The following NALF1 variants were observed in gnomAD, a reference collection of about 807,000 sequenced individuals.
NALF1 encodes the protein NALCN channel auxiliary factor 1.
A neutral mutation model predicts 48.4 loss-of-function variants in NALF1; 3 were observed. The observed-to-expected ratio is 0.06, with a 90% CI of 0.03 to 0.16. The LOEUF (loss-of-function observed/expected upper bound fraction) is 0.16, where lower values mean the gene tolerates loss of function less well. NALF1 is among the 10% of genes least tolerant of loss of function. The pLI, the probability that NALF1 is intolerant of heterozygous loss-of-function variation, is 1.00. For missense variants in NALF1, 526 were observed against 571.5 expected, an observed-to-expected ratio of 0.92 and a Z score of 0.81; for synonymous variants, 262 against 245.7, an observed-to-expected ratio of 1.07 and a Z score of -0.62.
chr13:107,558,413 T>C (rs905393762), intron 1 of NALF1, among the ~76,000 whole-genome samples: 10 of 152,216 alleles, frequency 6.6e-5, no homozygotes, highest in Non-Finnish European at 2.9e-5. Flanking sequence ...ATGTATAGTA[T>C]AGTATTCCAA....
chr13:107,797,796 A>AT (rs1878478584), intron 1 of NALF1, among the ~76,000 whole-genome samples: 4 of 152,032 alleles, frequency 2.6e-5, no homozygotes, highest in South Asian at 2.1e-4. Flanking sequence ...AAAAAAAAAA[A>AT]TTTTATCAAT....
At chr13:107,566,518 G>A (rs190981815) in intron 1 of NALF1, among the ~76,000 whole-genome samples, 209 of 152,258 alleles carry the variant, frequency 1.4e-3, no homozygotes, top group South Asian at 2.1e-3. Context: ...AGCAGCCAAC[G>A]TGATCCAACA....
chr13:107,504,324 G>A (rs1055954446), intron 1 of NALF1, among the ~76,000 whole-genome samples: 1 of 151,734 alleles, frequency 6.6e-6, no homozygotes, highest in Admixed American at 6.6e-5. Context: ...GAAAGATGTA[G>A]GTCCAAGGAT....
chr13:107,369,115 C>T (rs1030505492), intron 1 of NALF1, among the ~76,000 whole-genome samples: 2 of 152,170 alleles, frequency 1.3e-5, no homozygotes, highest in Non-Finnish European at 2.9e-5. Context: ...CACTTTTCTT[C>T]GGAATTTCCA....
At chr13:107,493,416 G>C (rs1875213859) in intron 1 of NALF1, among the ~76,000 whole-genome samples, 2 of 152,144 alleles carry the variant, frequency 1.3e-5, no homozygotes, top group Admixed American at 6.6e-5. Flanking sequence ...TGGAGTCTTA[G>C]TGGATGAAAG....
chr13:107,525,494 C>T (rs986879789), intron 1 of NALF1, among the ~76,000 whole-genome samples: 1 of 152,160 alleles, frequency 6.6e-6, no homozygotes, highest in East Asian at 1.9e-4. Flanking sequence ...TATAGTTGTA[C>T]CACAGTTTGT....
rs183712565 is a variant in NALF1, at chr13:107,438,381, A to T, written c.916-227626T>A. 3.7e-4 allele frequency among the ~76,000 whole-genome samples: 56 copies of T among 152,350 alleles called. No homozygotes were observed. In the East Asian group the frequency reaches 8.3e-3, roughly 23 times the overall value. ...GCTGGTTTTGTAAAGTGACAAAGGG[A>T]TTAGAAACATTATTGAAAAATAACT... On this transcript the variant is annotated intron_variant, in intron 1 of 2. Coordinates refer to ENST00000375915, the MANE Select transcript of NALF1 (RefSeq NM_001080396.3).
intron 1 of NALF1, among the ~76,000 whole-genome samples, chr13:107,236,835 A>G (rs1487405050): frequency 1.3e-5 from 2 of 152,184 alleles, no homozygotes; most frequent in Non-Finnish European, 2.9e-5. Context: ...TTTTGTCTGT[A>G]CTGAACATGT....
At chr13:107,864,034 T>C (rs1880646141) in intron 1 of NALF1, among the ~76,000 whole-genome samples, 1 of 152,182 alleles carries the variant, frequency 6.6e-6, no homozygotes. Context: ...TTATTACTAG[T>C]AGAATTAGAA....
At chr13:107,745,369 C>T (rs1016760098) in intron 1 of NALF1, among the ~76,000 whole-genome samples, 1 of 152,042 alleles carries the variant, frequency 6.6e-6, no homozygotes, top group African/African-American at 2.4e-5. Context: ...ATAGACACCC[C>T]CTAGCTGAGT....
At chr13:107,863,919 T>C (rs1880643623) in intron 1 of NALF1, among the ~76,000 whole-genome samples, 1 of 152,158 alleles carries the variant, frequency 6.6e-6, no homozygotes, top group South Asian at 2.1e-4. Context: ...GTTATACAAA[T>C]GGAAATTATC....
chr13:107,865,903 A>C lies in NALF1; in HGVS notation c.694T>G (p.Trp232Gly), dbSNP rs753098474. 44 of 1,613,928 alleles carry C rather than the reference A, an allele frequency of 2.7e-5. No homozygotes were observed. Among genetic ancestry groups the C allele is most frequent in the African/African-American group, 5.3e-5 (4 of 74,902 alleles). The stretch of plus-strand genomic sequence containing the variant: ...CTGGACAACCCCGAGAACAACTCCC[A>C]AAGTGTGTAGGAATTACAAAACGAA... ...YLSFCNSYTLWELFSGLSSPN... is the reference protein window; with the variant it reads ...YLSFCNSYTLGELFSGLSSPN... The change falls in exon 1 of 3, where the codon TGG becomes GGG. Residue 232 changes from tryptophan to glycine, a missense_variant. Transcript: ENST00000375915.
At chr13:107,682,366 C>T (rs991600369) in intron 1 of NALF1, among the ~76,000 whole-genome samples, 1 of 152,190 alleles carries the variant, frequency 6.6e-6, no homozygotes, top group African/African-American at 2.4e-5. Flanking sequence ...GCCCACCCTC[C>T]TTGCACTCAT....
At chr13:107,659,106 G>GACACAC (rs1408509437) in intron 1 of NALF1, among the ~76,000 whole-genome samples, 10 of 98,494 alleles carry the variant, frequency 1.0e-4, no homozygotes, top group East Asian at 5.9e-4. Context: ...CTGACACACT[G>GACACAC]ACACACAGAC....
At chr13:107,617,049 T>C (rs1879399367) in intron 1 of NALF1, among the ~76,000 whole-genome samples, 1 of 152,218 alleles carries the variant, frequency 6.6e-6, no homozygotes, top group South Asian at 2.1e-4. Flanking sequence ...GTACTATAAA[T>C]AGATGCACAT....
At chr13:107,851,230 A>C (rs1049902714) in intron 1 of NALF1, among the ~76,000 whole-genome samples, 4 of 152,212 alleles carry the variant, frequency 2.6e-5, no homozygotes, top group Admixed American at 6.5e-5. Flanking sequence ...TCCAATTCAT[A>C]AACTAGGCAG....
intron 1 of NALF1, among the ~76,000 whole-genome samples, chr13:107,258,958 C>T (rs74114028): frequency 0.099 from 15,069 of 152,116 alleles, 923 homozygotes; most frequent in African/African-American, 0.16. Flanking sequence ...TGAGCCACTG[C>T]GCCCTGCCCA....
At chr13:107,437,705 C>T (rs1884485650) in intron 1 of NALF1, among the ~76,000 whole-genome samples, 1 of 152,156 alleles carries the variant, frequency 6.6e-6, no homozygotes, top group Non-Finnish European at 1.5e-5. Context: ...AAAGGAATGG[C>T]TATTGCTAAA....
Position 107,554,581 on chromosome 13 carries a change from G to C in NALF1, c.915+311101C>G, listed in dbSNP as rs542193498. On this transcript the variant is annotated intron_variant, in intron 1 of 2. Coordinates refer to ENST00000375915, the MANE Select transcript of NALF1 (RefSeq NM_001080396.3). ...AGGCCCAGAGAGGCTGAGAGAGAAC[G>C]GAAGCCCAGACCCAAGAACTGGCAG... Among the ~76,000 whole-genome samples, 7 of 152,266 alleles carry C rather than the reference G, an allele frequency of 4.6e-5. No individual in the cohort carries two copies. The East Asian group carries it at 1.4e-3, about 29-fold the overall frequency.
Sources: allele counts gnomAD v4.1 joint callset (sites outside exome capture counted in the v4.1 genomes callset), GRCh38; gene constraint gnomAD v4.1.1; transcripts MANE v1.5; gene names NCBI Gene and HGNC (gene_info 2026-07-23, HGNC 2026-07-21).